Variants in BTBD9 observed in about 807,000 individuals in gnomAD.
The protein encoded by BTBD9 is BTB domain containing 9.
A neutral mutation model predicts 64.3 loss-of-function variants in BTBD9; 49 were observed. The observed-to-expected ratio is 0.76, with a 90% CI of 0.61 to 0.97. The LOEUF is 0.97. Ranked by LOEUF, BTBD9 falls within the 50% of genes least tolerant of loss-of-function variation. The pLI is 0.00. For missense variants in BTBD9, 598 were observed against 762.1 expected (o/e 0.78, Z 2.53); for synonymous variants, 260 against 274.7 (o/e 0.95, Z 0.53).
chr6:38,626,028 A>T (rs1158117794), intron 1 of BTBD9, among the ~76,000 whole-genome samples: 1 of 152,248 alleles, frequency 6.6e-6, no homozygotes, highest in Non-Finnish European at 1.5e-5. Context: ...TCATAAGTTA[A>T]GTCTATACTC....
At chr6:38,348,977 T>G (rs1279228668) in intron 6 of BTBD9, among the ~76,000 whole-genome samples, 4 of 152,186 alleles carry the variant, frequency 2.6e-5, no homozygotes, top group Non-Finnish European at 5.9e-5. Flanking sequence ...GGCATGATCA[T>G]GCCTCACTGC....
chr6:38,193,170 G>T (rs1371467233), intron 9 of BTBD9, among the ~76,000 whole-genome samples: 1 of 152,186 alleles, frequency 6.6e-6, no homozygotes, highest in Non-Finnish European at 1.5e-5. Context: ...AGGGCTGTTG[G>T]CAGAATGACC....
At chr6:38,520,911 C>A (rs550072323) in intron 6 of BTBD9, among the ~76,000 whole-genome samples, 8 of 152,254 alleles carry the variant, frequency 5.3e-5, no homozygotes, top group African/African-American at 1.9e-4. Flanking sequence ...TGTGTCACTG[C>A]ACTCCAGCCT....
intron 10 of BTBD9, among the ~76,000 whole-genome samples, chr6:38,176,493 A>G (rs2395694): frequency 0.95 from 144,326 of 152,250 alleles, 68,500 homozygotes; most frequent in African/African-American, 0.99. Flanking sequence ...GGGCTCAGGC[A>G]CGGTCCTCGC....
intron 7 of BTBD9, among the ~76,000 whole-genome samples, chr6:38,309,746 G>C (rs1762760328): frequency 6.6e-6 from 1 of 151,526 alleles, no homozygotes; most frequent in African/African-American, 2.4e-5. Context: ...CTTTAATAAA[G>C]AATAAAGTAG....
chr6:38,483,334 C>T (rs993509156), intron 6 of BTBD9, among the ~76,000 whole-genome samples: 1 of 152,214 alleles, frequency 6.6e-6, no homozygotes, highest in African/African-American at 2.4e-5. Flanking sequence ...CCTCCTCATA[C>T]CGAAAGACTG....
At chr6:38,262,387 G>A (rs956225295) in intron 8 of BTBD9, among the ~76,000 whole-genome samples, 4 of 152,050 alleles carry the variant, frequency 2.6e-5, no homozygotes, top group Non-Finnish European at 4.4e-5. Context: ...AGCATGAAAT[G>A]CCTGGTGATA....
intron 6 of BTBD9, among the ~76,000 whole-genome samples, chr6:38,383,703 T>C (rs1295773597): frequency 6.6e-6 from 1 of 152,180 alleles, no homozygotes. Context: ...TATACAAGGA[T>C]CGAACCTTAT....
chr6:38,212,399 G>A (rs2127500169), intron 9 of BTBD9, among the ~76,000 whole-genome samples: 1 of 152,328 alleles, frequency 6.6e-6, no homozygotes, highest in African/African-American at 2.4e-5. Context: ...CAGGAAGGTT[G>A]AGAGGGGGTG....
At chr6:38,191,133 G>A (rs1176432112) in intron 10 of BTBD9, among the ~76,000 whole-genome samples, 1 of 152,136 alleles carries the variant, frequency 6.6e-6, no homozygotes, top group African/African-American at 2.4e-5. Context: ...ATAGTTTTCA[G>A]ATTTGTTTTG....
At chr6:38,357,285 T>C (rs1402484541) in intron 6 of BTBD9, among the ~76,000 whole-genome samples, 1 of 152,194 alleles carries the variant, frequency 6.6e-6, no homozygotes, top group Admixed American at 6.5e-5. Flanking sequence ...CCTTTGAGAA[T>C]TCAGTAGCTT....
At chr6:38,490,270 T>C (rs1771646205) in intron 6 of BTBD9, among the ~76,000 whole-genome samples, 1 of 152,220 alleles carries the variant, frequency 6.6e-6, no homozygotes, top group Admixed American at 6.5e-5. Flanking sequence ...CATAACCCTC[T>C]GTCAACAAAA....
At position 38,178,907 on chromosome 6, in the gene BTBD9, C is replaced by T. The variant is rs1022932756; in HGVS notation, c.1642-3725G>A. Among the ~76,000 whole-genome samples the T allele has an allele frequency of 2.6e-5, 4 of 152,032 alleles. No individual in the cohort carries two copies. In the South Asian group the frequency reaches 8.3e-4, roughly 32 times the overall value. ...CTCGCTCTGTCGCCAGGCTGGGGTG[C>T]AGGGGGGCTATCTCAGCTCACTGCA... On this transcript the variant is annotated intron_variant, in intron 10 of 10. Coordinates refer to ENST00000481247, the MANE Select transcript of BTBD9 (RefSeq NM_001099272.2).
chr6:38,169,028 C>T lies in BTBD9; in HGVS notation c.*5957G>A, dbSNP rs1352106054. Reference sequence around the variant, plus strand: ...GTCACTGTGGAGGGCGCACCAAGGCCTGGAGAGCCTTGGGGAGAGATCAGG... The same window carrying T: ...GTCACTGTGGAGGGCGCACCAAGGCTTGGAGAGCCTTGGGGAGAGATCAGG... On this transcript the variant is annotated 3_prime_UTR_variant, in exon 11 of 11. Transcript: ENST00000481247. 6.6e-6 allele frequency: 1 copy of T among 152,332 alleles called. No individual in the cohort carries two copies. Among genetic ancestry groups the T allele is most frequent in the Non-Finnish European group, 1.5e-5 (1 of 68,168 alleles). 9.4% of individuals were successfully genotyped at this position (152,332 alleles called of 1,614,324 possible). A position where few individuals can be genotyped will look rare whatever the true frequency, so the allele number is the denominator to read the frequency against.
At chr6:38,603,474 A>G (rs1024043432) in intron 1 of BTBD9, among the ~76,000 whole-genome samples, 3 of 152,266 alleles carry the variant, frequency 2.0e-5, no homozygotes, top group African/African-American at 7.2e-5. Flanking sequence ...TACCATATGT[A>G]GTTCATAATG....
At chr6:38,309,677 C>T (rs1762756168) in intron 7 of BTBD9, among the ~76,000 whole-genome samples, 1 of 151,930 alleles carries the variant, frequency 6.6e-6, no homozygotes, top group Admixed American at 6.5e-5. Flanking sequence ...TCCCAAAGTG[C>T]TGGGATTACA....
intron 4 of BTBD9, among the ~76,000 whole-genome samples, chr6:38,582,793 T>C (rs1776353318): frequency 6.6e-6 from 1 of 152,198 alleles, no homozygotes; most frequent in Admixed American, 6.5e-5. Flanking sequence ...GAATACTTTG[T>C]CCAACTGACC....
intron 7 of BTBD9, among the ~76,000 whole-genome samples, chr6:38,311,337 G>GT (rs1383694491): frequency 1.3e-5 from 2 of 151,930 alleles, no homozygotes; most frequent in African/African-American, 4.8e-5. Context: ...CCACAAGTAA[G>GT]TGAGAGCCTG....
At chr6:38,581,689 C>T (rs367544374) in intron 4 of BTBD9, among the ~76,000 whole-genome samples, 273 of 152,280 alleles carry the variant, frequency 1.8e-3, no homozygotes, top group African/African-American at 6.2e-3. Context: ...ACAGTGGCTC[C>T]ACATTTAGCC....
Sources: allele counts gnomAD v4.1 joint callset (sites outside exome capture counted in the v4.1 genomes callset), GRCh38; gene constraint gnomAD v4.1.1; transcripts MANE v1.5; gene names NCBI Gene and HGNC (gene_info 2026-07-23, HGNC 2026-07-21).